ALK: variants seen among roughly 807,000 people sequenced by gnomAD.
ALK encodes ALK tyrosine kinase receptor.
ALK carries 74 observed loss-of-function variants against 163.1 expected under a neutral mutation model. The ratio of observed to expected loss-of-function variants is 0.45; its 90% CI spans 0.38 to 0.55. The LOEUF (loss-of-function observed/expected upper bound fraction) is 0.55. Ranked by LOEUF, ALK falls within the 20% of genes least tolerant of loss-of-function variation. The pLI is 0.00. For missense variants in ALK, 2,063 were observed against 2,105.3 expected, an observed-to-expected ratio of 0.98 and a Z score of 0.39; for synonymous variants, 960 against 843.2, an observed-to-expected ratio of 1.14 and a Z score of -2.40.
chr2:29,240,618 G>A (rs1664499918), intron 12 of ALK, among the ~76,000 whole-genome samples: 1 of 152,116 alleles, frequency 6.6e-6, no homozygotes. Flanking sequence ...AGAAATATGT[G>A]TGCAAACAAA....
intron 3 of ALK, among the ~76,000 whole-genome samples, chr2:29,577,192 T>C (rs903250686): frequency 1.3e-5 from 2 of 152,082 alleles, no homozygotes; most frequent in South Asian, 2.1e-4. Context: ...GGAAGTGGCA[T>C]TGGATGTTTG....
chr2:29,808,773 C>G (rs181113312), intron 1 of ALK, among the ~76,000 whole-genome samples: 1 of 152,282 alleles, frequency 6.6e-6, no homozygotes, highest in East Asian at 1.9e-4. Context: ...AAGCAAAAGT[C>G]CATCCTCCAC....
At chr2:29,899,174 T>C (rs2148429602) in intron 1 of ALK, among the ~76,000 whole-genome samples, 1 of 152,264 alleles carries the variant, frequency 6.6e-6, no homozygotes, top group Admixed American at 6.5e-5. Flanking sequence ...TAACAAACCC[T>C]CCAGTGACTC....
rs57619106 is a variant in ALK, at chr2:29,789,015, CTG to C, written c.668-71320_668-71319del. On this transcript the variant is annotated intron_variant, in intron 1 of 28. Transcript: ENST00000389048. ...TAAAAACATGCTCCATCCTGGTACA[CTG>C]TGTGTGTGTGTGTGTGTGTGTGTGT... 3.0e-3 allele frequency among the ~76,000 whole-genome samples: 376 copies of C among 125,478 alleles called. 2 individuals are homozygous for C. The highest frequency in any genetic ancestry group is 9.1e-3 in the Middle Eastern group (2 of 220). The allele number at this position is 125,478 out of a possible 152,430, so 82.3% of individuals were successfully genotyped here. A position where few individuals can be genotyped will look rare whatever the true frequency, so the allele number is the denominator to read the frequency against.
chr2:29,885,805 CA>C (rs1441485021), intron 1 of ALK, among the ~76,000 whole-genome samples: 3 of 152,154 alleles, frequency 2.0e-5, no homozygotes, highest in Admixed American at 1.3e-4. Flanking sequence ...ACTTCTTTTG[CA>C]ACATGTATCC....
chr2:29,708,731 C>G (rs1678985653), intron 2 of ALK, among the ~76,000 whole-genome samples: 1 of 152,138 alleles, frequency 6.6e-6, no homozygotes, highest in South Asian at 2.1e-4. Flanking sequence ...GTGGGCTCTG[C>G]CAAGCAGATG....
intron 26 of ALK, 53 bp downstream of exon 26, chr2:29,207,118 A>G (rs985087731): frequency 6.9e-7 from 1 of 1,450,070 alleles, no homozygotes; most frequent in Non-Finnish European, 9.7e-7. Context: ...CCTTTGGCCC[A>G]GGAGCACCAC....
intron 3 of ALK, among the ~76,000 whole-genome samples, chr2:29,649,975 C>G (rs1254782652): frequency 1.3e-5 from 2 of 152,070 alleles, no homozygotes; most frequent in African/African-American, 4.8e-5. Flanking sequence ...ATGCAGAGGA[C>G]AGAGACCCTT....
intron 1 of ALK, among the ~76,000 whole-genome samples, chr2:29,804,920 T>C (rs1024868348): frequency 6.6e-6 from 1 of 152,200 alleles, no homozygotes; most frequent in African/African-American, 2.4e-5. Context: ...GCGTTGATTG[T>C]CCTACACATC....
intron 3 of ALK, among the ~76,000 whole-genome samples, chr2:29,575,948 A>C (rs997692814): frequency 1.7e-4 from 26 of 152,224 alleles, no homozygotes; most frequent in African/African-American, 6.3e-4. Flanking sequence ...ATGCAGAGGA[A>C]ATGTGTTTAT....
chr2:29,312,455 G>A (rs955312874), intron 8 of ALK, among the ~76,000 whole-genome samples: 9 of 152,230 alleles, frequency 5.9e-5, no homozygotes, highest in African/African-American at 1.7e-4. Context: ...ACTGTACCAC[G>A]TTGCCTTGGT....
chr2:29,382,661 T>C (rs1165532622), intron 5 of ALK, among the ~76,000 whole-genome samples: 1 of 152,178 alleles, frequency 6.6e-6, no homozygotes, highest in Non-Finnish European at 1.5e-5. Context: ...TCCAGAGACA[T>C]TCACAAATCT....
At chr2:29,504,993 G>A (rs1025221927) in intron 4 of ALK, among the ~76,000 whole-genome samples, 1 of 152,166 alleles carries the variant, frequency 6.6e-6, no homozygotes, top group Non-Finnish European at 1.5e-5. Flanking sequence ...GATGAGGGCT[G>A]GAGGTGGGGC....
At chr2:29,293,126 G>A (rs1470493437) in intron 9 of ALK, among the ~76,000 whole-genome samples, 1 of 152,218 alleles carries the variant, frequency 6.6e-6, no homozygotes, top group African/African-American at 2.4e-5. Flanking sequence ...TGGTTCATCT[G>A]ATGGGACACA....
intron 1 of ALK, among the ~76,000 whole-genome samples, chr2:29,809,608 C>T (rs1483313078): frequency 6.6e-6 from 1 of 152,164 alleles, no homozygotes; most frequent in East Asian, 1.9e-4. Flanking sequence ...GCCCTTTATC[C>T]TGGTTTGGGG....
chr2:29,808,516 T>C (rs1664674242), intron 1 of ALK, among the ~76,000 whole-genome samples: 1 of 152,122 alleles, frequency 6.6e-6, no homozygotes, highest in Non-Finnish European at 1.5e-5. Context: ...TCATTTTTCT[T>C]CCATCAATTT....
Position 29,193,769 on chromosome 2 carries a change from C to G in ALK, c.4318G>C (p.Ala1440Pro), listed in dbSNP as rs1307483937. 2 of 1,593,370 alleles carry G rather than the reference C, an allele frequency of 1.3e-6. No individual in the cohort carries two copies. Among genetic ancestry groups the G allele is most frequent in the Non-Finnish European group, 1.7e-6 (2 of 1,169,114 alleles). The change falls in exon 29 of 29, where the codon GCC becomes CCC. Residue 1440 changes from alanine to proline, a missense_variant. Around this residue, in one of 5 missense-constraint regions of ALK, gnomAD observed 403 missense variants for 366.2 expected, o/e 1.10. Coordinates refer to ENST00000389048, the MANE Select transcript of ALK (RefSeq NM_004304.5). ...GAGGTGGTAGGCAGAGGTGGTGGGG[C>G]AGCTGGGCTGCGCTCCTCCTCCCGT... Reference protein sequence around the residue: ...AKREEERSPAAPPPLPTTSSG... With the variant: ...AKREEERSPAPPPPLPTTSSG...
chr2:29,592,086 G>A (rs1675075063), intron 3 of ALK, among the ~76,000 whole-genome samples: 1 of 152,122 alleles, frequency 6.6e-6, no homozygotes, highest in East Asian at 1.9e-4. Context: ...TTCCGGAGGG[G>A]CCTGGGGGAT....
intron 8 of ALK, among the ~76,000 whole-genome samples, chr2:29,303,080 A>G (rs1159984516): frequency 6.6e-6 from 1 of 152,352 alleles, no homozygotes; most frequent in East Asian, 1.9e-4. Flanking sequence ...AGTTTATAAC[A>G]GCCTACAGAA....
Sources: allele counts gnomAD v4.1 joint callset (sites outside exome capture counted in the v4.1 genomes callset), GRCh38; gene constraint gnomAD v4.1.1; regional missense constraint gnomAD v4.1.1; transcripts MANE v1.5; gene names NCBI Gene and HGNC (gene_info 2026-07-23, HGNC 2026-07-21).